KCNT2: variants seen among roughly 807,000 people sequenced by gnomAD.
KCNT2 encodes potassium sodium-activated channel subfamily T member 2, also known as potassium channel subfamily T member 2.
A neutral mutation model predicts 153.8 loss-of-function variants in KCNT2; 67 were observed. The observed-to-expected ratio is 0.44, with a 90% CI of 0.36 to 0.53. The LOEUF is 0.53. Among genes scored for constraint, KCNT2 ranks in the 20% least tolerant of loss-of-function variants. KCNT2 has a pLI of 0.00. For synonymous variants in KCNT2, 500 were observed against 458.8 expected (o/e 1.09, Z -1.15); for missense variants, 975 against 1,354.8 (o/e 0.72, Z 4.40).
chr1:196,252,638 C>G (rs1365637237), intron 26 of KCNT2, among the ~76,000 whole-genome samples: 1 of 151,454 alleles, frequency 6.6e-6, no homozygotes, highest in Non-Finnish European at 1.5e-5. Flanking sequence ...TATCTTTTAA[C>G]AAAATAAAAA....
intron 1 of KCNT2, among the ~76,000 whole-genome samples, chr1:196,567,121 T>C (rs1660205554): frequency 1.3e-5 from 2 of 152,260 alleles, no homozygotes; most frequent in Middle Eastern, 6.8e-3. Flanking sequence ...CAAAATTAAA[T>C]ATGAATTCCT....
intron 11 of KCNT2, among the ~76,000 whole-genome samples, chr1:196,423,756 A>G (rs149258046): frequency 1.6e-3 from 240 of 151,254 alleles, no homozygotes; most frequent in African/African-American, 5.1e-3. Context: ...AATGGTTTCT[A>G]TGGGGAGGAA....
intron 1 of KCNT2, among the ~76,000 whole-genome samples, chr1:196,606,694 A>C (rs748577780): frequency 3.9e-5 from 6 of 152,160 alleles, no homozygotes; most frequent in Non-Finnish European, 8.8e-5. Flanking sequence ...CACTATAACC[A>C]AAGTATGTGC....
chr1:196,352,746 A>G (rs1375306398), intron 14 of KCNT2, among the ~76,000 whole-genome samples: 1 of 152,026 alleles, frequency 6.6e-6, no homozygotes, highest in Non-Finnish European at 1.5e-5. Context: ...GCCTTCTGCT[A>G]GCTTTTGAAT....
chr1:196,554,621 C>T (rs1195458231), intron 1 of KCNT2, among the ~76,000 whole-genome samples: 2 of 151,252 alleles, frequency 1.3e-5, no homozygotes, highest in East Asian at 1.9e-4. Context: ...GAAAGGAATA[C>T]TTCCAATGTC....
intron 1 of KCNT2, among the ~76,000 whole-genome samples, chr1:196,518,937 T>G (rs780402311): frequency 1.2e-4 from 18 of 152,082 alleles, no homozygotes; most frequent in Admixed American, 1.3e-4. Context: ...TTGGACCATA[T>G]GGGTATGATA....
At chr1:196,252,507 C>T (rs1048258978) in intron 26 of KCNT2, among the ~76,000 whole-genome samples, 3 of 151,690 alleles carry the variant, frequency 2.0e-5, no homozygotes, top group Admixed American at 1.3e-4. Context: ...AGTAGAACAA[C>T]CTTACTACAT....
chr1:196,421,633 C>CAT (rs1044893484), intron 12 of KCNT2, among the ~76,000 whole-genome samples: 4 of 152,104 alleles, frequency 2.6e-5, no homozygotes, highest in African/African-American at 9.6e-5. Context: ...TACTTTTTCT[C>CAT]ATATATATAT....
chr1:196,602,276 T>G (rs937830690), intron 1 of KCNT2, among the ~76,000 whole-genome samples: 16 of 152,182 alleles, frequency 1.1e-4, no homozygotes, highest in African/African-American at 3.9e-4. Context: ...CTGTAAAAAA[T>G]ATTGCTTTTT....
rs902056348 is a variant in KCNT2, at chr1:196,345,296, T to G, written c.1404-3068A>C. On this transcript the variant is annotated intron_variant, in intron 14 of 27. Transcript: ENST00000294725. ...TAGAATAAAATGTAAATAGTGTGAC[T>G]AGGGAAAAGATGATATTTGAGTAAA... Among the ~76,000 whole-genome samples the G allele has an allele frequency of 8.5e-5, 13 of 152,272 alleles. No individual in the cohort carries two copies. The South Asian group carries it at 2.7e-3, about 32-fold the overall frequency.
chr1:196,522,497 T>C (rs140067099), intron 1 of KCNT2, among the ~76,000 whole-genome samples: 196 of 152,358 alleles, frequency 1.3e-3, no homozygotes, highest in African/African-American at 4.5e-3. Context: ...TTCAGATGCC[T>C]GAACTGTTTT....
chr1:196,261,031 G>A (rs1656973355), intron 25 of KCNT2, among the ~76,000 whole-genome samples: 1 of 151,684 alleles, frequency 6.6e-6, no homozygotes, highest in Non-Finnish European at 1.5e-5. Context: ...GTGTGTGTGT[G>A]TTTGTGTGTG....
intron 1 of KCNT2, among the ~76,000 whole-genome samples, chr1:196,540,396 A>G (rs1487373268): frequency 6.6e-6 from 1 of 152,210 alleles, no homozygotes; most frequent in African/African-American, 2.4e-5. Flanking sequence ...TCTGTATATC[A>G]AACTTTATTT....
intron 14 of KCNT2, among the ~76,000 whole-genome samples, chr1:196,349,620 G>GC (rs1666450028): frequency 6.6e-6 from 1 of 152,072 alleles, no homozygotes; most frequent in South Asian, 2.1e-4. Context: ...AGCTTCTTCA[G>GC]CTGCCTCACT....
chr1:196,267,837 G>A lies in KCNT2; in HGVS notation c.2911-9343C>T, dbSNP rs1246609527. On this transcript the variant is annotated intron_variant, in intron 25 of 27. Coordinates refer to ENST00000294725, the MANE Select transcript of KCNT2 (RefSeq NM_198503.5). ...CTCTATAGGAAAGGGCCAAACTTGG[G>A]CATAAGTCACTTGCAGGAAGGAAAA... Among the ~76,000 whole-genome samples, 8 of 152,196 alleles carry A rather than the reference G, an allele frequency of 5.3e-5. No homozygotes were observed. In the South Asian group the frequency reaches 1.7e-3, roughly 32 times the overall value.
chr1:196,450,006 A>G (rs1676018123), intron 8 of KCNT2, among the ~76,000 whole-genome samples: 4 of 151,950 alleles, frequency 2.6e-5, no homozygotes, highest in South Asian at 2.1e-4. Context: ...GATGGTATAG[A>G]AAGGGCTGTG....
chr1:196,552,527 T>A (rs1451632713), intron 1 of KCNT2, among the ~76,000 whole-genome samples: 1 of 151,456 alleles, frequency 6.6e-6, no homozygotes, highest in Admixed American at 6.6e-5. Context: ...TAAAGGGAGT[T>A]CTTCAGTCTG....
intron 26 of KCNT2, among the ~76,000 whole-genome samples, chr1:196,240,583 C>A (rs190010783): frequency 6.6e-6 from 1 of 151,862 alleles, no homozygotes; most frequent in African/African-American, 2.4e-5. Flanking sequence ...ATAGAGAAAG[C>A]GTGTTTTGAA....
At position 196,331,192 on chromosome 1, in the gene KCNT2, A is replaced by G; in HGVS notation, c.2067T>C (p.His689=). 6.2e-7 allele frequency: 1 copy of G among 1,609,064 alleles called. No individual in the cohort carries two copies. The highest frequency in any genetic ancestry group is 1.1e-5 in the South Asian group (1 of 90,956). Residue 689 remains histidine (H), a synonymous_variant, in exon 18 of 28, where the codon CAT becomes CAC. Transcript: ENST00000294725. ...GSSPTFCHLL[H]EKVPFCCLRL... ...TTAAGCAGCAAAATGGTACTTTTTC[A>G]TGAAGGAGATGACAAAAAGTGGGTG...
Sources: allele counts gnomAD v4.1 joint callset (sites outside exome capture counted in the v4.1 genomes callset), GRCh38; gene constraint gnomAD v4.1.1; transcripts MANE v1.5; gene names NCBI Gene and HGNC (gene_info 2026-07-23, HGNC 2026-07-21).